COL11A1: variants seen among roughly 807,000 people sequenced by gnomAD.
The protein encoded by COL11A1 is collagen alpha-1(XI) chain.
A neutral mutation model predicts 265.2 loss-of-function variants in COL11A1; 74 were observed. That is an observed-to-expected ratio of 0.28 (90% confidence interval 0.23 to 0.34). COL11A1 has a LOEUF of 0.34. Among genes scored for constraint, COL11A1 ranks in the 10% least tolerant of loss-of-function variants. COL11A1 has a pLI of 1.00. For missense variants in COL11A1, 2,165 were observed against 2,263.6 expected, an observed-to-expected ratio of 0.96 and a Z score of 0.88; for synonymous variants, 816 against 727.6, an observed-to-expected ratio of 1.12 and a Z score of -1.96.
chr1:102,897,438 A>C (rs1652570166), intron 57 of COL11A1, among the ~76,000 whole-genome samples: 1 of 146,628 alleles, frequency 6.8e-6, no homozygotes, highest in African/African-American at 2.5e-5. Flanking sequence ...ACCATAAGAA[A>C]AAAAAATATA....
rs769098402 is a variant in COL11A1, at chr1:102,878,024, C to A, written c.5416G>T (p.Gly1806Cys). Residue 1806 changes from glycine to cysteine, a missense_variant, in exon 67 of 67, where the codon GGC becomes TGC. Coordinates refer to ENST00000370096, the MANE Select transcript of COL11A1 (RefSeq NM_001854.4). ...GFEVGPVCFL[G>C] ...ATATGTTCTTTGTCTTAATCTTAGC[C>A]AAGAAAACAAACAGGACCAACTTCA... 6.2e-7 allele frequency: 1 copy of A among 1,613,248 alleles called. No homozygotes were observed. The highest frequency in any genetic ancestry group is 2.2e-5 in the East Asian group (1 of 44,796).
chr1:102,996,076 T>G (rs757639663), intron 26 of COL11A1, 34 bp from the exon 27 acceptor site: 3 of 1,603,568 alleles, frequency 1.9e-6, no homozygotes, highest in Non-Finnish European at 2.6e-6. Flanking sequence ...ATACGTGTAA[T>G]AAATTGAAAG....
intron 7 of COL11A1, among the ~76,000 whole-genome samples, chr1:103,023,598 C>A (rs1667279775): frequency 6.6e-6 from 1 of 152,102 alleles, no homozygotes; most frequent in Admixed American, 6.5e-5. Context: ...CTGAGGTGAT[C>A]CACCCGCCTT....
chr1:102,973,135 A>T (rs1662130305), intron 36 of COL11A1, among the ~76,000 whole-genome samples: 1 of 152,108 alleles, frequency 6.6e-6, no homozygotes, highest in Admixed American at 6.6e-5. Context: ...ACTGCATAAA[A>T]CTGCATACTA....
At chr1:102,909,287 C>T (rs543913805) in intron 54 of COL11A1, among the ~76,000 whole-genome samples, 13 of 152,248 alleles carry the variant, frequency 8.5e-5, no homozygotes, top group South Asian at 6.2e-4. Context: ...GCACACACCC[C>T]CTCTGCTTCT....
intron 1 of COL11A1, among the ~76,000 whole-genome samples, chr1:103,107,594 G>A (rs1401404502): frequency 6.8e-6 from 1 of 147,562 alleles, no homozygotes; most frequent in African/African-American, 2.5e-5. Flanking sequence ...TCACTTGGTT[G>A]CAGACAAAGA....
rs768553239 is a variant in COL11A1, at chr1:102,940,414, C to T, written c.3297G>A (p.Gly1099=). The change falls in exon 43 of 67, where the codon GGG becomes GGA. Residue 1099 remains glycine (G), a synonymous_variant. Transcript: ENST00000370096. ...KGAPGEKGPQ[G]PAGRDGVQGP... is the part of the protein sequence containing the mutation. ...CTTGAACTCCATCTCTCCCTGCAGG[C>T]CCTTGGGGACCTTTTTCTCCCTGTA... The T allele has an allele frequency of 6.2e-7, 1 of 1,613,752 alleles. No individual in the cohort carries two copies. Among genetic ancestry groups the T allele is most frequent in the African/African-American group, 1.3e-5 (1 of 74,896 alleles).
chr1:103,068,837 A>T (rs1203561290), intron 4 of COL11A1, among the ~76,000 whole-genome samples: 3 of 151,382 alleles, frequency 2.0e-5, no homozygotes, highest in Non-Finnish European at 4.4e-5. Context: ...AGCACTAAAA[A>T]AAAATACTTA....
chr1:102,995,777 TA>T (rs1345716975), intron 28 of COL11A1, 86 bp downstream of exon 28: 6 of 1,107,576 alleles, frequency 5.4e-6, no homozygotes, highest in Non-Finnish European at 8.3e-6. Context: ...ATCACTCATA[TA>T]TTCAAGAAAT....
Position 102,998,327 on chromosome 1 carries a change from C to T in COL11A1, c.2179G>A (p.Gly727Ser). 6.2e-7 allele frequency: 1 copy of T among 1,605,664 alleles called. No homozygotes were observed. Among genetic ancestry groups the T allele is most frequent in the Non-Finnish European group, 8.5e-7 (1 of 1,175,518 alleles). Residue 727 changes from glycine (G) to serine (S), a missense_variant, in exon 25 of 67, where the codon GGT (glycine) becomes AGT (serine). Physicochemically the swap from Gly to Ser is moderately conservative, Grantham distance 56. Coordinates refer to ENST00000370096, the MANE Select transcript of COL11A1 (RefSeq NM_001854.4). ...QGKPGLAGLP[G>S]ADGPPGHPGK... ...TTACTTACAGGAGGCCCATCAGCAC[C>T]AGGAAGTCCAGCAAGTCCTGGTTTT...
In COL11A1 at chr1:102,898,770, C is replaced by G; in HGVS notation, c.4144G>C (p.Glu1382Gln). 1 of 1,612,322 alleles carries G rather than the reference C, an allele frequency of 6.2e-7. No homozygotes were observed. The highest frequency in any genetic ancestry group is 8.5e-7 in the Non-Finnish European group (1 of 1,179,012). Reference protein sequence around the residue: ...GRQGEKGAKGEAGAEGPPGKT... With the variant: ...GRQGEKGAKGQAGAEGPPGKT... The stretch of plus-strand genomic sequence containing the variant: ...CCAGGAGGACCTTCTGCACCTGCTT[C>G]CCCCTGTTAGAAAGTAAAATATGGG... The change falls in exon 56 of 67, where the codon GAA becomes CAA. Residue 1382 changes from glutamate to glutamine, a missense_variant. Transcript: ENST00000370096.
chr1:102,914,537 A>T (rs1570713631), intron 51 of COL11A1, 132 bp from the exon 52 acceptor site: 2 of 1,055,248 alleles, frequency 1.9e-6, no homozygotes, highest in Non-Finnish European at 2.8e-6. Context: ...CCGCCAAAAA[A>T]TTTCTAAAGA....
At chr1:103,057,386 C>T (rs1053184128) in intron 4 of COL11A1, among the ~76,000 whole-genome samples, 15 of 152,284 alleles carry the variant, frequency 9.9e-5, no homozygotes, top group Admixed American at 3.9e-4. Context: ...TCTGCCGCAT[C>T]GGCATTGACT....
chr1:102,991,919 T>C (rs1342484571), intron 28 of COL11A1, among the ~76,000 whole-genome samples: 4 of 151,520 alleles, frequency 2.6e-5, no homozygotes, highest in Non-Finnish European at 5.9e-5. Flanking sequence ...GATTGGGCAA[T>C]GGCAGAGGCT....
intron 42 of COL11A1, among the ~76,000 whole-genome samples, chr1:102,943,794 A>T (rs1488186269): frequency 2.0e-5 from 3 of 151,272 alleles, no homozygotes; most frequent in Non-Finnish European, 4.4e-5. Flanking sequence ...TAGTGCATTG[A>T]CTTCACTGTG....
chr1:103,047,513 T>G (rs1353305479), intron 4 of COL11A1, among the ~76,000 whole-genome samples: 1 of 152,182 alleles, frequency 6.6e-6, no homozygotes, highest in African/African-American at 2.4e-5. Flanking sequence ...GCTGAGACGA[T>G]GGGGTTTTCT....
rs922857699 is a variant in COL11A1 at position 103,043,472 on chromosome 1, T to C, written c.652-12228A>G. Among the ~76,000 whole-genome samples, 16 of 152,108 alleles carry C rather than the reference T, an allele frequency of 1.1e-4. No homozygotes were observed. The East Asian group carries it at 3.1e-3, about 29-fold the overall frequency. On this transcript the variant is annotated intron_variant, in intron 4 of 66. Transcript: ENST00000370096. Reference sequence around the variant, plus strand: ...CATGAGAGCAGGGACTTTTCAGTTTTGTTGTCAGAGATTTTCACAATTCCT... The same window carrying C: ...CATGAGAGCAGGGACTTTTCAGTTTCGTTGTCAGAGATTTTCACAATTCCT...
intron 37 of COL11A1, among the ~76,000 whole-genome samples, chr1:102,967,609 T>C (rs1350326317): frequency 6.6e-6 from 1 of 152,134 alleles, no homozygotes; most frequent in African/African-American, 2.4e-5. Context: ...CAAATTCAGT[T>C]ACTTCCTTTG....
At chr1:102,925,655 A>T (rs565956055) in intron 46 of COL11A1, among the ~76,000 whole-genome samples, 5 of 152,258 alleles carry the variant, frequency 3.3e-5, no homozygotes, top group Admixed American at 2.0e-4. Context: ...CTCAGATCTT[A>T]TAGACCTAAA....
Sources: gnomAD v4.1 joint callset for allele counts (sites outside exome capture counted in the v4.1 genomes callset) on GRCh38, gnomAD v4.1.1 for gene constraint, MANE v1.5 for transcripts, NCBI Gene and HGNC (gene_info 2026-07-23, HGNC 2026-07-21) for gene names.